The following MYLK4 variants were observed in gnomAD, a reference collection of about 807,000 sequenced individuals.
The protein encoded by MYLK4 is caMLCK like.
A neutral mutation model predicts 48.1 loss-of-function variants in MYLK4; 46 were observed. The observed-to-expected ratio is 0.96, with a 90% CI of 0.75 to 1.22. The LOEUF (loss-of-function observed/expected upper bound fraction) is 1.22, where lower values mean the gene tolerates loss of function less well. Among genes scored for constraint, MYLK4 ranks in the 50% most tolerant of loss-of-function variants. MYLK4 has a pLI of 0.00. For missense variants in MYLK4, 451 were observed against 486.1 expected (o/e 0.93, Z 0.68); for synonymous variants, 170 against 180.8 (o/e 0.94, Z 0.48).
At chr6:2,727,557 G>A (rs1203071049) in intron 2 of MYLK4, among the ~76,000 whole-genome samples, 1 of 152,166 alleles carries the variant, frequency 6.6e-6, no homozygotes, top group Middle Eastern at 3.2e-3. Context: ...CAAACCGCTC[G>A]AGGTTGCATC....
At chr6:2,720,936 G>A (rs1175099102) in intron 2 of MYLK4, among the ~76,000 whole-genome samples, 1 of 152,152 alleles carries the variant, frequency 6.6e-6, no homozygotes, top group Non-Finnish European at 1.5e-5. Context: ...GTTGAGGTGG[G>A]TGGATCACGA....
At position 2,711,820 on chromosome 6, in the gene MYLK4, G is replaced by C. The variant is rs191486873; in HGVS notation, c.160-18961C>G. Among the ~76,000 whole-genome samples, 303 of 152,028 alleles carry C rather than the reference G, an allele frequency of 2.0e-3. 1 individual carries two copies. Among genetic ancestry groups the C allele is most frequent in the African/African-American group, 6.9e-3 (288 of 41,456 alleles). On this transcript the variant is annotated intron_variant, in intron 2 of 12. Coordinates refer to ENST00000274643, the MANE Select transcript of MYLK4 (RefSeq NM_001012418.5). ...TTTTTTTTTAAAGGCAAATTTTAAG[G>C]TATATAACTTTAAAGTAGGCTCTAA...
At chr6:2,736,257 T>C (rs901949693) in intron 2 of MYLK4, among the ~76,000 whole-genome samples, 1 of 152,252 alleles carries the variant, frequency 6.6e-6, no homozygotes, top group African/African-American at 2.4e-5. Context: ...TTATTGCTGT[T>C]GCTGTTGTTG....
chr6:2,728,304 C>T (rs1303128800), intron 2 of MYLK4, among the ~76,000 whole-genome samples: 2 of 152,150 alleles, frequency 1.3e-5, no homozygotes, highest in African/African-American at 4.8e-5. Flanking sequence ...TGCAGGGGAA[C>T]CTTACTGTTT....
chr6:2,756,078 A>G, the MYLK4 span, among the ~76,000 whole-genome samples: 3 of 152,222 alleles, frequency 2.0e-5, no homozygotes, highest in Non-Finnish European at 2.9e-5. Context: ...ATGTTCCCCA[A>G]CAATGCATCA....
intron 2 of MYLK4, among the ~76,000 whole-genome samples, chr6:2,703,665 C>CTTTTTTTTTTTTTTT (rs3055234): frequency 1.1e-4 from 10 of 95,152 alleles, no homozygotes; most frequent in Admixed American, 1.5e-4. Context: ...TTTGTGAATT[C>CTTTTTTTTTTTTTTT]TTTTTTTTTT....
rs992190802 is a variant in MYLK4 at position 2,684,171 on chromosome 6, G to A, written c.546-1009C>T. On this transcript the variant is annotated intron_variant, in intron 6 of 12. Transcript: ENST00000274643. Reference sequence around the variant, plus strand: ...CATTATGAAGTCAAATGATAGTTCCGTGAACACAAGCATGGCGATGCCTCC... The same window carrying A: ...CATTATGAAGTCAAATGATAGTTCCATGAACACAAGCATGGCGATGCCTCC... Among the ~76,000 whole-genome samples the A allele has an allele frequency of 3.9e-5, 6 of 152,130 alleles. 1 individual carries two copies. Among genetic ancestry groups the A allele is most frequent in the East Asian group, 1.9e-4 (1 of 5,192 alleles).
At chr6:2,668,566 A>G (rs1261351904) in intron 12 of MYLK4, among the ~76,000 whole-genome samples, 1 of 152,176 alleles carries the variant, frequency 6.6e-6, no homozygotes, top group Non-Finnish European at 1.5e-5. Context: ...TCTTTCTTTT[A>G]CAACAGGAAT....
chr6:2,687,993 C>G (rs1256570198), intron 4 of MYLK4, among the ~76,000 whole-genome samples: 1 of 152,132 alleles, frequency 6.6e-6, no homozygotes. Context: ...AACACCCTCT[C>G]CCCACCCCCA....
Position 2,685,709 on chromosome 6 carries a change from C to G in MYLK4, c.342-133G>C, listed in dbSNP as rs1761513816. The G allele has an allele frequency of 4.3e-6, 3 of 699,620 alleles. No individual in the cohort carries two copies. In the South Asian group the frequency reaches 5.3e-5, roughly 12 times the overall value. The allele number at this position is 699,620 out of a possible 1,614,324, so 43.3% of individuals were successfully genotyped here. ...TCTGAGGAGTTCTTTCAGTAAACTT[C>G]TAGAGCAGTATTTGTCAACATGTGG... On this transcript the variant is annotated intron_variant, in intron 4 of 12. Transcript: ENST00000274643. This position sits in a 1 kb window ranked among gnomAD's most constrained non-coding sequence, Gnocchi z 4.5.
intron 2 of MYLK4, among the ~76,000 whole-genome samples, chr6:2,694,500 G>GTGA (rs1761948795): frequency 1.7e-5 from 1 of 60,210 alleles, no homozygotes; most frequent in Non-Finnish European, 3.5e-5. Context: ...CATGGTGGTG[G>GTGA]TGGTGGTGGT....
chr6:2,678,218 AC>A lies in MYLK4; in HGVS notation c.1040+1del. 1 of 1,613,650 alleles carries A rather than the reference AC, an allele frequency of 6.2e-7. No homozygotes were observed. Among genetic ancestry groups the A allele is most frequent in the Non-Finnish European group, 8.5e-7 (1 of 1,179,852 alleles). On this transcript the variant is annotated splice_donor_variant, in intron 10 of 12. Coordinates refer to ENST00000274643, the MANE Select transcript of MYLK4 (RefSeq NM_001012418.5). LOFTEE classifies it high-confidence loss of function. Reference sequence around the variant, plus strand: ...CCGGAGCACAGGACGAACTTGCGTTACCTCTTCTCCTTAATCAGAAGCTTAG... The same window carrying A: ...CCGGAGCACAGGACGAACTTGCGTTACTCTTCTCCTTAATCAGAAGCTTAG...
At chr6:2,733,841 C>T (rs950545723) in intron 2 of MYLK4, among the ~76,000 whole-genome samples, 1 of 152,122 alleles carries the variant, frequency 6.6e-6, no homozygotes, top group Non-Finnish European at 1.5e-5. Flanking sequence ...GCTTCGCCCG[C>T]GGAGACGCTG....
the MYLK4 span, among the ~76,000 whole-genome samples, chr6:2,759,433 C>T: frequency 1.3e-5 from 2 of 152,164 alleles, no homozygotes; most frequent in Admixed American, 6.5e-5. Flanking sequence ...CATATTTGGT[C>T]ACTTGGTCTC....
intron 2 of MYLK4, among the ~76,000 whole-genome samples, chr6:2,727,779 T>C (rs1763328368): frequency 6.6e-6 from 1 of 151,974 alleles, no homozygotes; most frequent in Admixed American, 6.5e-5. Context: ...AAACCCCGTT[T>C]CTACTAAAAA....
Position 2,685,374 on chromosome 6 carries a change from T to G in MYLK4, c.467A>C (p.Asn156Thr), listed in dbSNP as rs1761492520. 1 of 1,613,976 alleles carries G rather than the reference T, an allele frequency of 6.2e-7. No individual in the cohort carries two copies. The highest frequency in any genetic ancestry group is 1.3e-5 in the African/African-American group (1 of 74,992). ...EEVKNEISVM[N>T]QLDHANLIQL... The stretch of plus-strand genomic sequence containing the variant: ...GATGAGGTTCGCGTGGTCCAGCTGG[T>G]TCATGACGCTGATCTCGTTCTTCAC... The change falls in exon 6 of 13, where the codon AAC becomes ACC. Residue 156 changes from asparagine (N) to threonine (T), a missense_variant. Physicochemically the swap from Asn to Thr is moderately conservative, Grantham distance 65 (BLOSUM62 0). Coordinates refer to ENST00000274643, the MANE Select transcript of MYLK4 (RefSeq NM_001012418.5). The surrounding 1 kb of genome is among the most constrained non-coding windows in gnomAD (Gnocchi z 4.5).
intron 2 of MYLK4, among the ~76,000 whole-genome samples, chr6:2,706,069 TTGA>T: frequency 6.6e-6 from 1 of 152,210 alleles, no homozygotes; most frequent in Admixed American, 6.5e-5. Context: ...CTGAATAATA[TTGA>T]TGATCTTTTC....
Position 2,664,183 on chromosome 6 carries a change from G to A in MYLK4, c.*3742C>T, listed in dbSNP as rs1760552398. 6.6e-6 allele frequency: 1 copy of A among 152,202 alleles called. No homozygotes were observed. The highest frequency in any genetic ancestry group is 2.1e-4 in the South Asian group (1 of 4,830). 9.4% of individuals were successfully genotyped at this position (152,202 alleles called of 1,614,324 possible). The stretch of plus-strand genomic sequence containing the variant: ...TTCTTAATCTCAAAAAGGCTTTCAG[G>A]GAGCATGGTGATGGATAAGAAGACA... On this transcript the variant is annotated 3_prime_UTR_variant, in exon 13 of 13. Coordinates refer to ENST00000274643, the MANE Select transcript of MYLK4 (RefSeq NM_001012418.5).
chr6:2,761,096 A>G, the MYLK4 span, among the ~76,000 whole-genome samples: 1 of 152,218 alleles, frequency 6.6e-6, no homozygotes, highest in Admixed American at 6.5e-5. Context: ...TAGATGGCTT[A>G]TAAAATACCT....
Sources: gnomAD v4.1 joint callset for allele counts (sites outside exome capture counted in the v4.1 genomes callset) on GRCh38, gnomAD v4.1.1 for gene constraint, Gnocchi (gnomAD v3.1) non-coding constraint, MANE v1.5 for transcripts, NCBI Gene and HGNC (gene_info 2026-07-23, HGNC 2026-07-21) for gene names.